Variants in NLRP1 observed in about 807,000 individuals in gnomAD.
NLRP1 encodes the protein NLR family pyrin domain containing 1.
Under a neutral mutation model 136.7 loss-of-function variants are expected in NLRP1, and 94 were observed. That is an observed-to-expected ratio of 0.69 (90% CI 0.58 to 0.82). The LOEUF (loss-of-function observed/expected upper bound fraction) is 0.82. NLRP1 is among the 40% of genes least tolerant of loss of function. The pLI, the probability that NLRP1 is intolerant of heterozygous loss-of-function variation, is 0.00. For missense variants in NLRP1, 1,575 were observed against 1,802.7 expected (o/e 0.87, Z 2.29); for synonymous variants, 690 against 725.1 (o/e 0.95, Z 0.78).
chr17:5,559,917 C>A lies in NLRP1; in HGVS notation c.779G>T (p.Arg260Ile). The change falls in exon 4 of 17, where the codon AGA (arginine) becomes ATA (isoleucine). Residue 260 changes from arginine (R) to isoleucine (I), a missense_variant. Physicochemically the swap from Arg to Ile is moderately conservative, Grantham distance 97. Transcript: ENST00000572272. ...PHHHPWEPSVRESLCSTWPWK... is the reference protein window; with the variant it reads ...PHHHPWEPSVIESLCSTWPWK... ...GGGCCATGTGGAACAGAGGCTCTCT[C>A]TCACAGAAGGCTCCCATGGGTGGTG... 1 of 1,614,240 alleles carries A rather than the reference C, an allele frequency of 6.2e-7. No homozygotes were observed. Among genetic ancestry groups the A allele is most frequent in the Middle Eastern group, 1.6e-4 (1 of 6,062 alleles).
intron 13 of NLRP1, 109 bp from the exon 14 acceptor site, chr17:5,521,121 A>G: frequency 1.8e-6 from 2 of 1,129,634 alleles, no homozygotes; most frequent in Non-Finnish European, 1.2e-6. Context: ...GTGGGGCTAT[A>G]TCACCCCTGC....
chr17:5,525,007 T>C (rs1051276479), intron 12 of NLRP1, among the ~76,000 whole-genome samples: 1 of 152,090 alleles, frequency 6.6e-6, no homozygotes, highest in Non-Finnish European at 1.5e-5. Flanking sequence ...TTTGTGCTGA[T>C]AGATTGGAGA....
At chr17:5,545,335 CAG>C (rs1307855510) in intron 5 of NLRP1, among the ~76,000 whole-genome samples, 1 of 104,772 alleles carries the variant, frequency 9.5e-6, no homozygotes, top group Non-Finnish European at 2.1e-5. Context: ...CACAGACACA[CAG>C]ACACACACAC....
chr17:5,548,326 C>A (rs879592290), intron 5 of NLRP1, among the ~76,000 whole-genome samples: 2 of 152,188 alleles, frequency 1.3e-5, no homozygotes, highest in African/African-American at 2.4e-5. Context: ...TCCCTGTCCT[C>A]ATCTCCCCTC....
intron 15 of NLRP1, among the ~76,000 whole-genome samples, chr17:5,517,394 T>G (rs931402110): frequency 8.2e-5 from 11 of 133,670 alleles, no homozygotes; most frequent in Non-Finnish European, 6.3e-5. Flanking sequence ...CATTGACTTT[T>G]TCTTTTTTTT....
intron 3 of NLRP1, among the ~76,000 whole-genome samples, chr17:5,565,402 A>G: frequency 6.6e-6 from 1 of 152,176 alleles, no homozygotes; most frequent in Non-Finnish European, 1.5e-5. Context: ...TCTGAAGGGT[A>G]GTTTGCAAAT....
chr17:5,554,728 A>G (rs1293032750), intron 4 of NLRP1, among the ~76,000 whole-genome samples: 2 of 152,190 alleles, frequency 1.3e-5, no homozygotes, highest in African/African-American at 4.8e-5. Flanking sequence ...CTACAAACAT[A>G]TAAAAAAAGC....
intron 12 of NLRP1, among the ~76,000 whole-genome samples, chr17:5,523,488 C>A (rs142177901): frequency 1.3e-5 from 2 of 152,282 alleles, no homozygotes; most frequent in East Asian, 3.9e-4. Flanking sequence ...AGATTTGTTG[C>A]ATAACCTTTT....
At chr17:5,560,634 A>C (rs928449262) in intron 3 of NLRP1, among the ~76,000 whole-genome samples, 2 of 152,208 alleles carry the variant, frequency 1.3e-5, no homozygotes, top group Non-Finnish European at 2.9e-5. Flanking sequence ...AGTGGATGAC[A>C]GGTGGGGTCC....
rs1047437474 is a variant in NLRP1, at chr17:5,508,121, G to A, written c.4070-6249C>T. Among the ~76,000 whole-genome samples the A allele has an allele frequency of 7.4e-5, 11 of 149,574 alleles. No homozygotes were observed. The South Asian group carries it at 8.4e-4, about 11-fold the overall frequency. ...TGCACTCCAGCCTGGGGGACAGAGC[G>A]AGACTCGGTCTCAGAAAAAAAAAAA... On this transcript the variant is annotated intron_variant, in intron 15 of 15. Coordinates refer to the NLRP1 transcript ENST00000262467.
chr17:5,532,022 C>T (rs760891593), intron 11 of NLRP1, among the ~76,000 whole-genome samples: 12 of 152,164 alleles, frequency 7.9e-5, no homozygotes, highest in Non-Finnish European at 1.3e-4. Context: ...GAAGGTGGAT[C>T]GTCTGAGGTC....
intron 3 of NLRP1, among the ~76,000 whole-genome samples, chr17:5,571,664 G>A (rs570327260): frequency 1.4e-3 from 211 of 152,168 alleles, no homozygotes; most frequent in African/African-American, 4.8e-3. Flanking sequence ...TGTTAAAATC[G>A]CCATACTACT....
At position 5,536,904 on chromosome 17, in the gene NLRP1, C is replaced by T; in HGVS notation, c.2907G>A (p.Gln969=). The part of the protein sequence containing the change: ...DQTTLSDEMR[Q]ELRALEQEKP... Reference sequence around the variant, plus strand: ...TCTCCTGCTCCAGGGCCCTCAGTTCCTGCCTCATCTCATCACTCAGAGTTG... The same window carrying T: ...TCTCCTGCTCCAGGGCCCTCAGTTCTTGCCTCATCTCATCACTCAGAGTTG... Residue 969 remains glutamine, a synonymous_variant, in exon 8 of 17, where the codon CAG becomes CAA. Coordinates refer to ENST00000572272, the MANE Select transcript of NLRP1 (RefSeq NM_033004.4). 4.3e-6 allele frequency: 7 copies of T among 1,613,786 alleles called. No individual in the cohort carries two copies. Among genetic ancestry groups the T allele is most frequent in the Non-Finnish European group, 5.9e-6 (7 of 1,179,672 alleles).
At chr17:5,556,104 GTC>G (rs1191688324) in intron 4 of NLRP1, among the ~76,000 whole-genome samples, 3 of 114,822 alleles carry the variant, frequency 2.6e-5, no homozygotes, top group Non-Finnish European at 5.1e-5. Flanking sequence ...CTCTGTCTCT[GTC>G]TCTCTCTCTA....
rs200584513 is a variant in NLRP1 at position 5,558,509 on chromosome 17, C to T, written c.2187G>A (p.Thr729=). The change falls in exon 4 of 17, where the codon ACG becomes ACA. Residue 729 remains threonine (T), a synonymous_variant. Transcript: ENST00000572272. Reference sequence around the variant, plus strand: ...AATGGGCCATCACTTGTGTCAGGAACGTTTTGTTCCGAGTCTCGTACAAGC... The same window carrying T: ...AATGGGCCATCACTTGTGTCAGGAATGTTTTGTTCCGAGTCTCGTACAAGC... ...LHCLYETRNK[T]FLTQVMAHFE... The T allele has an allele frequency of 4.5e-5, 73 of 1,613,880 alleles. No homozygotes were observed. In the African/African-American group the frequency reaches 5.3e-4, roughly 12 times the overall value.
chr17:5,533,831 G>T, intron 9 of NLRP1, 66 bp downstream of exon 9: 1 of 1,050,186 alleles, frequency 9.5e-7, no homozygotes, highest in Non-Finnish European at 1.4e-6. Flanking sequence ...TGGAGGGAAT[G>T]ACCTCCCACA....
intron 11 of NLRP1, 38 bp downstream of exon 11, chr17:5,532,784 G>A: frequency 6.5e-7 from 1 of 1,544,692 alleles, no homozygotes; most frequent in South Asian, 1.2e-5. Flanking sequence ...GTGGGGTGCG[G>A]GAGGCCAGCC....
intron 14 of NLRP1, 35 bp downstream of exon 14, chr17:5,520,846 G>A (rs200696554): frequency 1.3e-6 from 2 of 1,516,492 alleles, no homozygotes; most frequent in Admixed American, 2.0e-5. Flanking sequence ...TAGGACTTCT[G>A]TTCGCAGTGA....
At chr17:5,547,389 A>C (rs1303011144) in intron 5 of NLRP1, among the ~76,000 whole-genome samples, 1 of 152,210 alleles carries the variant, frequency 6.6e-6, no homozygotes, top group Non-Finnish European at 1.5e-5. Context: ...AAACTTGCTA[A>C]AGAAACCTAC....
Sources: gnomAD v4.1 joint callset for allele counts (sites outside exome capture counted in the v4.1 genomes callset) on GRCh38, gnomAD v4.1.1 for gene constraint, MANE v1.5 for transcripts, NCBI Gene and HGNC (gene_info 2026-07-23, HGNC 2026-07-21) for gene names.